TMPRSS9: variants seen among roughly 807,000 people sequenced by gnomAD.
The protein encoded by TMPRSS9 is transmembrane protease serine 9.
A neutral mutation model predicts 111.4 loss-of-function variants in TMPRSS9; 113 were observed. That is an observed-to-expected ratio of 1.01 (90% CI 0.87 to 1.19). The LOEUF (loss-of-function observed/expected upper bound fraction) is 1.19. Among genes scored for constraint, TMPRSS9 ranks in the 50% most tolerant of loss-of-function variants. The probability of loss-of-function intolerance (pLI) is 0.00; values close to 1 mark genes in which losing one functional copy is unlikely to be tolerated. For synonymous variants in TMPRSS9, 805 were observed against 659.1 expected (o/e 1.22, Z -3.39); for missense variants, 1,803 against 1,513.1 (o/e 1.19, Z -3.18).
At chr19:2,410,497 C>T (rs1971073244) in intron 9 of TMPRSS9, 103 bp downstream of exon 10, 40 of 1,462,826 alleles carry the variant, frequency 2.7e-5, no homozygotes, top group Non-Finnish European at 3.5e-5. Context: ...CTGTGAGCCC[C>T]CAACGCCCCA....
chr19:2,424,005 A>ATTCGTGGAGAGGCGGCGCCCAGGGGGGCC (rs1387066942), intron 14 of TMPRSS9, 84 bp from the exon 16 acceptor site: 16 of 1,231,980 alleles, frequency 1.3e-5, no homozygotes, highest in Non-Finnish European at 1.5e-5. Flanking sequence ...TCCCAGGGGG[A>ATTCGTGGAGAGGCGGCGCCCAGGGGGGCC]TTCGTGGAGA....
intron 9 of TMPRSS9, among the ~76,000 whole-genome samples, chr19:2,412,054 A>C (rs1599305639): frequency 6.6e-6 from 1 of 152,176 alleles, no homozygotes; most frequent in Middle Eastern, 3.4e-3. Flanking sequence ...TTCTGTTGTA[A>C]CTGAGTGTCT....
At chr19:2,373,887 C>T (rs1970309872) in intron 1 of TMPRSS9, among the ~76,000 whole-genome samples, 1 of 152,208 alleles carries the variant, frequency 6.6e-6, no homozygotes, top group Non-Finnish European at 1.5e-5. Flanking sequence ...TAATACACAC[C>T]ATGCTGATTT....
rs139354211 is a variant in TMPRSS9, at chr19:2,376,159, C to A, written c.-25-13602C>A. On this transcript the variant is annotated intron_variant, in intron 1 of 17. Coordinates refer to the TMPRSS9 transcript ENST00000649857. ...GAGAATGTGTTCCCGCCTTTCCCAG[C>A]GTCTAGAGGCACCCACATCCCTTGC... Among the ~76,000 whole-genome samples the A allele has an allele frequency of 3.7e-3, 563 of 152,250 alleles. 3 individuals carry two copies. Among genetic ancestry groups the A allele is most frequent in the African/African-American group, 0.013 (549 of 41,554 alleles).
intron 4 of TMPRSS9, among the ~76,000 whole-genome samples, chr19:2,400,074 C>G (rs1462988130): frequency 2.0e-5 from 3 of 152,188 alleles, no homozygotes; most frequent in African/African-American, 7.2e-5. Context: ...GACAAGCACT[C>G]AGCTCTGTTA....
chr19:2,377,900 A>G (rs967554063), intron 1 of TMPRSS9, among the ~76,000 whole-genome samples: 9 of 149,808 alleles, frequency 6.0e-5, no homozygotes, highest in Non-Finnish European at 8.9e-5. Flanking sequence ...TTTTTTGCAG[A>G]GACAGGGTCT....
At chr19:2,382,684 C>CGTGCACACAT in intron 1 of TMPRSS9, among the ~76,000 whole-genome samples, 1 of 58,502 alleles carries the variant, frequency 1.7e-5, no homozygotes, top group East Asian at 1.1e-3. Flanking sequence ...CACACATACA[C>CGTGCACACAT]ACATGCACAC....
intron 9 of TMPRSS9, among the ~76,000 whole-genome samples, chr19:2,411,227 G>C (rs1971086911): frequency 7.3e-6 from 1 of 136,880 alleles, no homozygotes; most frequent in Admixed American, 7.9e-5. Flanking sequence ...CTGAACCTGG[G>C]AGCTGGAGGT....
At chr19:2,420,089 G>A (rs2145409796) in intron 13 of TMPRSS9, among the ~76,000 whole-genome samples, 1 of 152,234 alleles carries the variant, frequency 6.6e-6, no homozygotes, top group East Asian at 1.9e-4. Context: ...CTTGAGGCCA[G>A]GTGTCTAGGC....
chr19:2,405,578 C>T, intron 7 of TMPRSS9, 33 bp downstream of exon 8: 2 of 1,481,886 alleles, frequency 1.3e-6, no homozygotes, highest in East Asian at 2.7e-5. Context: ...CAAACCCGAA[C>T]CCTCTGTATT....
intron 1 of TMPRSS9, among the ~76,000 whole-genome samples, chr19:2,362,357 T>G (rs1235477682): frequency 4.0e-5 from 6 of 151,638 alleles, no homozygotes; most frequent in Non-Finnish European, 7.4e-5. Context: ...CGAGATTGTG[T>G]GACTGTGCAG....
At chr19:2,417,322 C>T (rs1020186080) in intron 12 of TMPRSS9, among the ~76,000 whole-genome samples, 88 of 152,030 alleles carry the variant, frequency 5.8e-4, no homozygotes, top group African/African-American at 2.0e-3. Flanking sequence ...AAAAATTAGC[C>T]GGGTGTGGTG....
intron 10 of TMPRSS9, among the ~76,000 whole-genome samples, chr19:2,414,511 G>A (rs1451990419): frequency 6.6e-6 from 1 of 151,986 alleles, no homozygotes; most frequent in African/African-American, 2.4e-5. Flanking sequence ...ATGCTGGGAT[G>A]ACAGGTGTGA....
intron 4 of TMPRSS9, among the ~76,000 whole-genome samples, chr19:2,401,198 C>T (rs1315475031): frequency 4.6e-5 from 7 of 151,850 alleles, no homozygotes; most frequent in South Asian, 4.2e-4. Flanking sequence ...AGCGTGAACC[C>T]GGGAGGCGGA....
intron 4 of TMPRSS9, among the ~76,000 whole-genome samples, chr19:2,399,453 G>A (rs750622486): frequency 9.2e-5 from 14 of 152,146 alleles, no homozygotes; most frequent in Non-Finnish European, 1.9e-4. Flanking sequence ...GTGTGCACCT[G>A]TAATCCTACC....
At chr19:2,410,511 C>A in intron 9 of TMPRSS9, 117 bp downstream of exon 10, 1 of 1,371,294 alleles carries the variant, frequency 7.3e-7, no homozygotes, top group Non-Finnish European at 9.8e-7. Flanking sequence ...CGCCCCAGAC[C>A]CCAGAAAAAC....
chr19:2,402,603 T>G (rs1970874810), intron 5 of TMPRSS9, among the ~76,000 whole-genome samples: 1 of 151,978 alleles, frequency 6.6e-6, no homozygotes, highest in Admixed American at 6.6e-5. Context: ...CCAGGCGTGG[T>G]GGGGCGTGCC....
At position 2,368,826 on chromosome 19, in the gene TMPRSS9, CCAGGCTGGAGCA is replaced by C. The variant is rs1294938572; in HGVS notation, c.-26+8470_-26+8481del. On this transcript the variant is annotated intron_variant, in intron 1 of 17. Transcript: ENST00000649857. The stretch of plus-strand genomic sequence containing the variant: ...TAAAGACAGAGTCTCACTCTGTCGC[CCAGGCTGGAGCA>C]CAGTGGCGCAATCTCAGCTCACTGC... Among the ~76,000 whole-genome samples, 198 of 131,460 alleles carry C rather than the reference CCAGGCTGGAGCA, an allele frequency of 1.5e-3. 1 individual carries two copies. Among genetic ancestry groups the C allele is most frequent in the African/African-American group, 5.4e-3 (189 of 34,828 alleles). 86.2% of individuals were successfully genotyped at this position (131,460 alleles called of 152,430 possible). A position where few individuals can be genotyped will look rare whatever the true frequency, so the allele number is the denominator to read the frequency against.
chr19:2,423,060 TAA>T (rs558254831), intron 14 of TMPRSS9, among the ~76,000 whole-genome samples: 7 of 132,812 alleles, frequency 5.3e-5, no homozygotes, highest in African/African-American at 8.3e-5. Context: ...CTAAAAAAAT[TAA>T]AAAAAAAAAA....
Sources: gnomAD v4.1 joint callset for allele counts (sites outside exome capture counted in the v4.1 genomes callset) on GRCh38, gnomAD v4.1.1 for gene constraint, MANE v1.5 for transcripts, NCBI Gene and HGNC (gene_info 2026-07-23, HGNC 2026-07-21) for gene names.